The following ERBB4 variants were observed in gnomAD, a reference collection of about 807,000 sequenced individuals.
The protein encoded by ERBB4 is receptor tyrosine-protein kinase erbB-4.
ERBB4 carries 42 observed loss-of-function variants against 158.0 expected under a neutral mutation model. The ratio of observed to expected loss-of-function variants is 0.27; its 90% CI spans 0.21 to 0.34. ERBB4 has a LOEUF of 0.34. ERBB4 is among the 10% of genes least tolerant of loss of function. The pLI is 1.00. For synonymous variants in ERBB4, 583 were observed against 558.7 expected (o/e 1.04, Z -0.61); for missense variants, 1,333 against 1,624.1 (o/e 0.82, Z 3.08).
At chr2:211,931,949 A>G (rs1419084946) in intron 3 of ERBB4, among the ~76,000 whole-genome samples, 2 of 152,108 alleles carry the variant, frequency 1.3e-5, no homozygotes, top group African/African-American at 2.4e-5. Flanking sequence ...CATTGTTTGC[A>G]TTTCATTCCC....
At chr2:212,076,973 A>C (rs2078294120) in intron 2 of ERBB4, among the ~76,000 whole-genome samples, 1 of 151,996 alleles carries the variant, frequency 6.6e-6, no homozygotes, top group South Asian at 2.1e-4. Flanking sequence ...CCAGTAGAAA[A>C]CTGTGCAAGA....
At chr2:212,085,537 G>A (rs1231911808) in intron 2 of ERBB4, among the ~76,000 whole-genome samples, 2 of 151,682 alleles carry the variant, frequency 1.3e-5, no homozygotes, top group Non-Finnish European at 2.9e-5. Context: ...ACTGAAGAGT[G>A]GCAAAATAGA....
chr2:211,802,122 G>A (rs55888029), intron 3 of ERBB4, among the ~76,000 whole-genome samples: 30,480 of 152,056 alleles, frequency 0.2, 3,651 homozygotes, highest in Non-Finnish European at 0.28. Context: ...AGCCGGGTGC[G>A]GTGGCGGGCA....
At chr2:211,563,605 A>T (rs1489035954) in intron 19 of ERBB4, among the ~76,000 whole-genome samples, 1 of 152,182 alleles carries the variant, frequency 6.6e-6, no homozygotes, top group Admixed American at 6.5e-5. Context: ...CTAAATAGGG[A>T]CTATATATCA....
At chr2:212,446,050 T>C (rs760715806) in intron 1 of ERBB4, among the ~76,000 whole-genome samples, 8 of 152,222 alleles carry the variant, frequency 5.3e-5, no homozygotes, top group Non-Finnish European at 1.2e-4. Context: ...CTTTATGTAA[T>C]AGTATTTGAG....
intron 1 of ERBB4, among the ~76,000 whole-genome samples, chr2:212,416,938 C>G (rs755713681): frequency 3.9e-5 from 6 of 152,024 alleles, no homozygotes; most frequent in African/African-American, 1.4e-4. Flanking sequence ...CATCCAAACT[C>G]TCATGATAAG....
rs2069500181 is a variant in ERBB4 at position 211,619,171 on chromosome 2, A to T, written c.2301+6T>A. The T allele has an allele frequency of 6.5e-7, 1 of 1,538,442 alleles. No individual in the cohort carries two copies. The highest frequency in any genetic ancestry group is 1.7e-5 in the Admixed American group (1 of 59,760). On this transcript the variant is annotated splice_donor_region_variant and intron_variant, in intron 19 of 27. Coordinates refer to ENST00000342788, the MANE Select transcript of ERBB4 (RefSeq NM_005235.3). ...AAAATGTGATTGCCTGGGTGTCTGT[A>T]CTTACATCCATGAACTCCACATTTG... is the stretch of plus-strand genomic sequence containing the variant.
intron 14 of ERBB4, among the ~76,000 whole-genome samples, chr2:211,668,225 C>T (rs1010162054): frequency 6.6e-6 from 1 of 152,142 alleles, no homozygotes; most frequent in African/African-American, 2.4e-5. Context: ...CCATCACTAA[C>T]TGAAATGTTG....
chr2:212,320,018 T>A (rs560039030), intron 1 of ERBB4, among the ~76,000 whole-genome samples: 1 of 150,150 alleles, frequency 6.7e-6, no homozygotes, highest in African/African-American at 2.4e-5. Flanking sequence ...TTTTCCTCCA[T>A]ACAGCCCCAA....
chr2:211,834,047 A>G (rs1382350847), intron 3 of ERBB4, among the ~76,000 whole-genome samples: 1 of 152,116 alleles, frequency 6.6e-6, no homozygotes, highest in Non-Finnish European at 1.5e-5. Context: ...ATGTCTATGA[A>G]ACTGACAATA....
At chr2:212,220,328 T>A (rs948293297) in intron 1 of ERBB4, among the ~76,000 whole-genome samples, 16 of 151,570 alleles carry the variant, frequency 1.1e-4, no homozygotes, top group Non-Finnish European at 2.2e-4. Context: ...AGATCTATTT[T>A]AAATCTAAAC....
At chr2:211,691,982 A>G (rs1425904182) in intron 12 of ERBB4, among the ~76,000 whole-genome samples, 1 of 152,192 alleles carries the variant, frequency 6.6e-6, no homozygotes, top group South Asian at 2.1e-4. Context: ...AGGACCTCCT[A>G]TTTCAAAAAA....
At chr2:211,981,454 T>A (rs2081794344) in intron 2 of ERBB4, among the ~76,000 whole-genome samples, 1 of 152,236 alleles carries the variant, frequency 6.6e-6, no homozygotes, top group Admixed American at 6.5e-5. Context: ...GGTTTTTGCC[T>A]GTAGGTTTAG....
At chr2:212,063,675 C>T (rs997538473) in intron 2 of ERBB4, among the ~76,000 whole-genome samples, 7 of 151,808 alleles carry the variant, frequency 4.6e-5, no homozygotes, top group Non-Finnish European at 5.9e-5. Context: ...CAAAAACAAA[C>T]GTAAAAATTA....
intron 20 of ERBB4, among the ~76,000 whole-genome samples, chr2:211,522,595 C>G (rs2066218837): frequency 6.6e-6 from 1 of 152,046 alleles, no homozygotes; most frequent in South Asian, 2.1e-4. Flanking sequence ...GAAAGAAGTT[C>G]TACAGTAGGT....
rs1374514187 is a variant in ERBB4, at chr2:212,191,623, CAT to C, written c.83-66722_83-66721del. On this transcript the variant is annotated intron_variant, in intron 1 of 27. Coordinates refer to ENST00000342788, the MANE Select transcript of ERBB4 (RefSeq NM_005235.3). ...TGTGTTATGCCTGTTATATATAACACATGTGTTATGCATGCTATATATAACAC... is the reference window on the plus strand; with the variant it reads ...TGTGTTATGCCTGTTATATATAACACGTGTTATGCATGCTATATATAACAC... Among the ~76,000 whole-genome samples, 3 of 130,336 alleles carry C rather than the reference CAT, an allele frequency of 2.3e-5. 1 individual carries two copies. The highest frequency in any genetic ancestry group is 8.4e-5 in the African/African-American group (3 of 35,926). The allele number at this position is 130,336 out of a possible 152,430, so 85.5% of individuals were successfully genotyped here.
chr2:212,284,828 G>T (rs1169241724), intron 1 of ERBB4, among the ~76,000 whole-genome samples: 2 of 151,964 alleles, frequency 1.3e-5, no homozygotes, highest in Non-Finnish European at 2.9e-5. Context: ...CAAATAACAG[G>T]ATGGCTGGCA....
chr2:212,500,060 T>C (rs1353940308), intron 1 of ERBB4, among the ~76,000 whole-genome samples: 2 of 152,060 alleles, frequency 1.3e-5, no homozygotes. Context: ...CCGGAATTTA[T>C]TTTTTTCTCA....
chr2:211,642,841 A>G (rs980559154), intron 16 of ERBB4, among the ~76,000 whole-genome samples: 2 of 152,162 alleles, frequency 1.3e-5, no homozygotes, highest in African/African-American at 4.8e-5. Flanking sequence ...AAACTTAACA[A>G]AAGCATAATT....
Sources: allele counts gnomAD v4.1 joint callset (sites outside exome capture counted in the v4.1 genomes callset), GRCh38; gene constraint gnomAD v4.1.1; transcripts MANE v1.5; gene names NCBI Gene and HGNC (gene_info 2026-07-23, HGNC 2026-07-21).